The following ANKRD55 variants were observed in gnomAD, a reference collection of about 807,000 sequenced individuals.
ANKRD55 encodes ankyrin repeat domain-containing protein 55.
In ANKRD55, 41 loss-of-function variants were observed where a neutral mutation model predicts 60.6. That is an observed-to-expected ratio of 0.68 (90% CI 0.53 to 0.88). ANKRD55 has a LOEUF of 0.88. ANKRD55 is among the 40% of genes least tolerant of loss of function. The probability of loss-of-function intolerance (pLI) is 0.00; values close to 1 mark genes in which losing one functional copy is unlikely to be tolerated. For synonymous variants in ANKRD55, 264 were observed against 290.3 expected (o/e 0.91, Z 0.92); for missense variants, 732 against 767.6 (o/e 0.95, Z 0.55).
intron 3 of ANKRD55, among the ~76,000 whole-genome samples, chr5:56,181,888 T>G (rs1758856177): frequency 6.6e-6 from 1 of 152,198 alleles, no homozygotes; most frequent in Non-Finnish European, 1.5e-5. Context: ...AGCCACCGTG[T>G]CCGGCCTATT....
rs771561192 is a variant in ANKRD55 at position 56,127,066 on chromosome 5, T to C, written c.653A>G (p.His218Arg). 6.2e-7 allele frequency: 1 copy of C among 1,613,540 alleles called. No homozygotes were observed. Among genetic ancestry groups the C allele is most frequent in the Admixed American group, 1.7e-5 (1 of 59,972 alleles). ...RILCSIILSH[H>R]QGPSIINYDD... ...ATAGTTGATTATGGACGGCCCCTGGTGATGGCTCAGAATGATGGAGCACAG... is the reference window on the plus strand; with the variant it reads ...ATAGTTGATTATGGACGGCCCCTGGCGATGGCTCAGAATGATGGAGCACAG... The change falls in exon 8 of 12, where the codon CAC becomes CGC. Residue 218 changes from histidine to arginine, a missense_variant. Physicochemically the swap from His to Arg is conservative, Grantham distance 29. Transcript: ENST00000341048.
chr5:56,103,424 C>A (rs1199612822), intron 10 of ANKRD55, among the ~76,000 whole-genome samples: 1 of 152,062 alleles, frequency 6.6e-6, no homozygotes, highest in African/African-American at 2.4e-5. Flanking sequence ...ATGTTCGATA[C>A]CTGAAAATAG....
chr5:56,101,847 C>T (rs1221719557), intron 11 of ANKRD55, among the ~76,000 whole-genome samples: 2 of 151,694 alleles, frequency 1.3e-5, no homozygotes, highest in African/African-American at 4.8e-5. Context: ...TCTATCTGTC[C>T]AGTATAGTAA....
chr5:56,209,513 C>T (rs2111871034), intron 2 of ANKRD55, among the ~76,000 whole-genome samples: 1 of 149,484 alleles, frequency 6.7e-6, no homozygotes, highest in East Asian at 2.0e-4. Context: ...TTGGCCCAGG[C>T]CAGAGTGCAG....
At chr5:56,209,599 TG>T (rs1294363633) in intron 2 of ANKRD55, among the ~76,000 whole-genome samples, 2 of 152,044 alleles carry the variant, frequency 1.3e-5, no homozygotes, top group African/African-American at 4.8e-5. Flanking sequence ...TCCGACTAGC[TG>T]GGACTACAGG....
intron 7 of ANKRD55, among the ~76,000 whole-genome samples, chr5:56,130,881 C>T (rs980954572): frequency 2.0e-5 from 3 of 152,030 alleles, no homozygotes; most frequent in Non-Finnish European, 4.4e-5. Flanking sequence ...TTGGACACAG[C>T]TGAGGGAAGA....
intron 7 of ANKRD55, among the ~76,000 whole-genome samples, chr5:56,141,751 G>T (rs1011453641): frequency 2.0e-5 from 3 of 152,130 alleles, no homozygotes; most frequent in African/African-American, 7.2e-5. Context: ...AAAAGAGAAA[G>T]AATATGAAGG....
intron 7 of ANKRD55, among the ~76,000 whole-genome samples, chr5:56,133,169 G>A (rs1757470560): frequency 6.6e-6 from 1 of 152,148 alleles, no homozygotes; most frequent in Admixed American, 6.6e-5. Flanking sequence ...GGCCGGGCAC[G>A]ATGGCTCATG....
At chr5:56,215,612 C>G (rs1462395604) in intron 2 of ANKRD55, among the ~76,000 whole-genome samples, 2 of 152,170 alleles carry the variant, frequency 1.3e-5, no homozygotes, top group Non-Finnish European at 2.9e-5. Flanking sequence ...CTGTCAGAAT[C>G]TAGAAAGTAT....
intron 7 of ANKRD55, among the ~76,000 whole-genome samples, chr5:56,132,286 C>G (rs1406024614): frequency 6.6e-6 from 1 of 151,616 alleles, no homozygotes; most frequent in East Asian, 1.9e-4. Context: ...ATACAAAATG[C>G]TAATTAAAAC....
At chr5:56,230,383 C>T (rs1307502840) in intron 2 of ANKRD55, among the ~76,000 whole-genome samples, 3 of 152,176 alleles carry the variant, frequency 2.0e-5, no homozygotes, top group East Asian at 1.9e-4. Flanking sequence ...GTGAGCCTTG[C>T]GCCCGGCCCA....
chr5:56,112,512 A>AAAAACAAAAAAAAAAAC (rs1554036593), intron 9 of ANKRD55, among the ~76,000 whole-genome samples: 1 of 111,440 alleles, frequency 9.0e-6, no homozygotes, highest in Admixed American at 9.1e-5. Context: ...AGCAAAAAAA[A>AAAAACAAAAAAAAAAAC]AAAAAAAAAA....
chr5:56,116,254 G>T (rs1447890308), intron 9 of ANKRD55, among the ~76,000 whole-genome samples: 1 of 152,108 alleles, frequency 6.6e-6, no homozygotes, highest in Admixed American at 6.6e-5. Context: ...GTGTAAAAGG[G>T]TCCCGAGAAC....
intron 9 of ANKRD55, among the ~76,000 whole-genome samples, chr5:56,116,121 C>T (rs943800188): frequency 7.9e-5 from 12 of 152,176 alleles, no homozygotes; most frequent in African/African-American, 2.9e-4. Context: ...TCCCAAAGTG[C>T]TGGGATTACA....
chr5:56,122,100 A>G (rs1245260962), intron 8 of ANKRD55, among the ~76,000 whole-genome samples: 1 of 152,216 alleles, frequency 6.6e-6, no homozygotes, highest in African/African-American at 2.4e-5. Context: ...TTGCTGGGAG[A>G]TAGAGTTGCA....
intron 2 of ANKRD55, among the ~76,000 whole-genome samples, chr5:56,225,101 C>A (rs974661816): frequency 1.3e-5 from 2 of 152,084 alleles, no homozygotes; most frequent in Non-Finnish European, 2.9e-5. Flanking sequence ...ACTGGCAAAC[C>A]GAACCCAGCA....
At chr5:56,166,158 T>TTTCTTCTTCTTTCC in intron 5 of ANKRD55, among the ~76,000 whole-genome samples, 2 of 72,460 alleles carry the variant, frequency 2.8e-5, no homozygotes, top group South Asian at 9.0e-4. Flanking sequence ...TTCTTTCTTC[T>TTTCTTCTTCTTTCC]TTCCTTCCTT....
chr5:56,129,697 A>AACATATGTCT (rs1473128749), intron 7 of ANKRD55, among the ~76,000 whole-genome samples: 1 of 152,238 alleles, frequency 6.6e-6, no homozygotes, highest in East Asian at 1.9e-4. Flanking sequence ...CTTATTTGCT[A>AACATATGTCT]ACATATGTCT....
chr5:56,220,240 G>A (rs1759926089), intron 2 of ANKRD55, among the ~76,000 whole-genome samples: 1 of 152,232 alleles, frequency 6.6e-6, no homozygotes, highest in African/African-American at 2.4e-5. Context: ...ACTGATGGCT[G>A]TGAAGGGTAA....
Sources: allele counts gnomAD v4.1 joint callset (sites outside exome capture counted in the v4.1 genomes callset), GRCh38; gene constraint gnomAD v4.1.1; transcripts MANE v1.5; gene names NCBI Gene and HGNC (gene_info 2026-07-23, HGNC 2026-07-21).